MCCC1: variants seen among roughly 807,000 people sequenced by gnomAD.
The protein encoded by MCCC1 is methylcrotonyl-CoA carboxylase subunit 1.
MCCC1 carries 64 observed loss-of-function variants against 83.8 expected under a neutral mutation model. That is an observed-to-expected ratio of 0.76 (90% CI 0.62 to 0.94). The LOEUF is 0.94. Among genes scored for constraint, MCCC1 ranks in the 40% least tolerant of loss-of-function variants. MCCC1 has a pLI of 0.00. For synonymous variants in MCCC1, 322 were observed against 315.4 expected (o/e 1.02, Z -0.22); for missense variants, 807 against 904.7 (o/e 0.89, Z 1.39).
intron 4 of MCCC1, among the ~76,000 whole-genome samples, chr3:183,079,950 C>T (rs1248337605): frequency 2.0e-5 from 3 of 152,286 alleles, no homozygotes; most frequent in African/African-American, 7.2e-5. Flanking sequence ...GTACCTTGGC[C>T]CCTTTTAATC....
intron 7 of MCCC1, 24 bp downstream of exon 7, chr3:183,070,975 G>A: frequency 6.2e-7 from 1 of 1,609,132 alleles, no homozygotes; most frequent in Non-Finnish European, 8.5e-7. Context: ...TAAACTCTGA[G>A]TCAGAAAAAT....
chr3:183,073,999 C>T (rs538517880), intron 4 of MCCC1, among the ~76,000 whole-genome samples: 1 of 152,288 alleles, frequency 6.6e-6, no homozygotes, highest in African/African-American at 2.4e-5. Context: ...GACAAAGGGA[C>T]GATTCACATC....
At chr3:183,039,732 G>C (rs1046280606) in intron 11 of MCCC1, among the ~76,000 whole-genome samples, 4 of 152,180 alleles carry the variant, frequency 2.6e-5, no homozygotes, top group African/African-American at 9.7e-5. Flanking sequence ...GTGTTGAAAA[G>C]AACGTTGTTG....
At chr3:183,015,687 T>C in intron 18 of MCCC1, 121 bp from the exon 19 acceptor site, 1 of 1,182,730 alleles carries the variant, frequency 8.5e-7, no homozygotes, top group Non-Finnish European at 1.3e-6. Context: ...TTTTGTCATC[T>C]CTCGGTGCTT....
Position 183,032,873 on chromosome 3 carries a change from CAA to C in MCCC1, c.1681+1116_1681+1117del, listed in dbSNP as rs374480916. ...TGGGCAACAGAGCCAGAGTCTGTGTCAAAAAAAAAAAAAAAAAAATTTGTTAC... is the reference window on the plus strand; with the variant it reads ...TGGGCAACAGAGCCAGAGTCTGTGTCAAAAAAAAAAAAAAAAATTTGTTAC... On this transcript the variant is annotated intron_variant, in intron 14 of 18. Transcript: ENST00000265594. Among the ~76,000 whole-genome samples, 294 of 115,424 alleles carry C rather than the reference CAA, an allele frequency of 2.5e-3. 2 individuals are homozygous for C. The highest frequency in any genetic ancestry group is 5.4e-3 in the Middle Eastern group (1 of 184). The allele number at this position is 115,424 out of a possible 152,430, so 75.7% of individuals were successfully genotyped here.
intron 9 of MCCC1, among the ~76,000 whole-genome samples, chr3:183,046,765 A>G (rs139921078): frequency 6.6e-6 from 1 of 152,332 alleles, no homozygotes; most frequent in East Asian, 1.9e-4. Context: ...ACTCTGTCCT[A>G]TCAAGTAAAA....
chr3:183,102,196 C>T (rs1177780073), upstream of MCCC1, among the ~76,000 whole-genome samples: 1 of 152,026 alleles, frequency 6.6e-6, no homozygotes, highest in Non-Finnish European at 1.5e-5. Context: ...AGACCCGCAT[C>T]TGCACAAACA....
intron 4 of MCCC1, among the ~76,000 whole-genome samples, chr3:183,073,956 C>T (rs1716879540): frequency 6.6e-6 from 1 of 152,178 alleles, no homozygotes; most frequent in African/African-American, 2.4e-5. Context: ...GAGTGACTAA[C>T]AGATGGGGAG....
At chr3:183,058,841 A>G (rs1014384276) in intron 7 of MCCC1, among the ~76,000 whole-genome samples, 1 of 152,208 alleles carries the variant, frequency 6.6e-6, no homozygotes, top group African/African-American at 2.4e-5. Context: ...AATACGCCAT[A>G]ATACAGAAGT....
At chr3:183,022,891 AT>A (rs1345584422) in intron 15 of MCCC1, among the ~76,000 whole-genome samples, 3 of 152,236 alleles carry the variant, frequency 2.0e-5, no homozygotes, top group South Asian at 4.1e-4. Context: ...AATTATTAAA[AT>A]TCATTTGCAT....
chr3:183,108,330 T>C (rs1159491463), intron 1 of MCCC1, among the ~76,000 whole-genome samples: 1 of 152,214 alleles, frequency 6.6e-6, no homozygotes, highest in Non-Finnish European at 1.5e-5. Flanking sequence ...TCCTCCCTTT[T>C]GGCAGGAATA....
chr3:183,040,650 G>C (rs1485876660), intron 11 of MCCC1, among the ~76,000 whole-genome samples: 1 of 151,952 alleles, frequency 6.6e-6, no homozygotes, highest in Non-Finnish European at 1.5e-5. Flanking sequence ...TTAAGTCAGG[G>C]AGATAAAGGT....
chr3:183,055,055 G>T (rs988647038), intron 8 of MCCC1, among the ~76,000 whole-genome samples: 2 of 152,112 alleles, frequency 1.3e-5, no homozygotes, highest in Admixed American at 6.6e-5. Context: ...TATTCCTATT[G>T]TTAAGCAATG....
intron 13 of MCCC1, among the ~76,000 whole-genome samples, chr3:183,036,767 C>T (rs894429404): frequency 6.6e-6 from 1 of 152,032 alleles, no homozygotes; most frequent in African/African-American, 2.4e-5. Flanking sequence ...TCTTGATCTC[C>T]TGACATCATG....
intron 12 of MCCC1, among the ~76,000 whole-genome samples, chr3:183,038,393 G>A (rs1384866878): frequency 6.6e-6 from 1 of 152,192 alleles, no homozygotes; most frequent in African/African-American, 2.4e-5. Context: ...CATGCTGAGT[G>A]AGTCTCAGAA....
intron 14 of MCCC1, among the ~76,000 whole-genome samples, chr3:183,032,757 T>G (rs1713185235): frequency 6.6e-6 from 1 of 151,564 alleles, no homozygotes; most frequent in Non-Finnish European, 1.5e-5. Flanking sequence ...GCCTGTAGTC[T>G]CAGATACTCG....
intron 7 of MCCC1, among the ~76,000 whole-genome samples, chr3:183,061,149 C>A (rs1715802514): frequency 6.6e-6 from 1 of 152,124 alleles, no homozygotes; most frequent in South Asian, 2.1e-4. Context: ...ACCATTGCAA[C>A]ATGGTGGTAG....
At chr3:183,102,926 A>G (rs1719341580), upstream of MCCC1, among the ~76,000 whole-genome samples, 1 of 151,786 alleles carries the variant, frequency 6.6e-6, no homozygotes, top group Non-Finnish European at 1.5e-5. Context: ...AGCTAGGATT[A>G]CAGGCATCCA....
At chr3:183,033,765 A>G (rs369854977) in intron 14 of MCCC1, among the ~76,000 whole-genome samples, 1 of 152,326 alleles carries the variant, frequency 6.6e-6, no homozygotes, top group African/African-American at 2.4e-5. Context: ...TATTTTTAGA[A>G]TATTTACAAA....
Sources: gnomAD v4.1 joint callset for allele counts (sites outside exome capture counted in the v4.1 genomes callset) on GRCh38, gnomAD v4.1.1 for gene constraint, MANE v1.5 for transcripts, NCBI Gene and HGNC (gene_info 2026-07-23, HGNC 2026-07-21) for gene names.